The following RIPK4 variants were observed in gnomAD, a reference collection of about 807,000 sequenced individuals.
The protein encoded by RIPK4 is receptor-interacting serine/threonine-protein kinase 4.
A neutral mutation model predicts 42.9 loss-of-function variants in RIPK4; 17 were observed. The observed-to-expected ratio is 0.40, with a 90% CI of 0.27 to 0.59. The LOEUF is 0.59. Among genes scored for constraint, RIPK4 ranks in the 20% least tolerant of loss-of-function variants. The pLI is 0.47. For missense variants in RIPK4, 897 were observed against 1,104.4 expected (o/e 0.81, Z 2.66); for synonymous variants, 498 against 499.1 (o/e 1.00, Z 0.03).
Position 41,744,144 on chromosome 21 carries a change from C to G in RIPK4, c.937-4G>C, listed in dbSNP as rs374214622. ...GCTTGAGCCTCGCAGGCACCACCTG[C>G]GAAGATGCAGAAGAGGGGGTGGGTG... On this transcript the variant is annotated splice_region_variant and splice_polypyrimidine_tract_variant and intron_variant, in intron 6 of 7. Transcript: ENST00000332512. 1.9e-6 allele frequency: 3 copies of G among 1,578,010 alleles called. No individual in the cohort carries two copies. Among genetic ancestry groups the G allele is most frequent in the African/African-American group, 1.3e-5 (1 of 74,076 alleles).
At chr21:41,762,694 C>T (rs562093487) in intron 1 of RIPK4, among the ~76,000 whole-genome samples, 15 of 152,162 alleles carry the variant, frequency 9.9e-5, no homozygotes, top group African/African-American at 3.4e-4. Flanking sequence ...TTTTTTAATA[C>T]ATTTTTTTCT....
intron 2 of RIPK4, among the ~76,000 whole-genome samples, chr21:41,756,141 T>TCC (rs1344638245): frequency 3.9e-5 from 6 of 152,082 alleles, no homozygotes; most frequent in Admixed American, 3.9e-4. Context: ...GGGAAATGCG[T>TCC]CCCTTTGTTG....
intron 4 of RIPK4, 67 bp from the exon 5 acceptor site, chr21:41,746,838 G>C: frequency 6.7e-7 from 1 of 1,500,724 alleles, no homozygotes; most frequent in Admixed American, 2.1e-5. Flanking sequence ...CCCTTGGGAG[G>C]AAACGACACA....
chr21:41,748,567 G>A (rs1331391651), intron 4 of RIPK4, among the ~76,000 whole-genome samples: 1 of 152,248 alleles, frequency 6.6e-6, no homozygotes, highest in Non-Finnish European at 1.5e-5. Context: ...GAGCAGCTCT[G>A]GAGGTTGGCT....
intron 1 of RIPK4, among the ~76,000 whole-genome samples, chr21:41,760,991 C>G (rs531772004): frequency 6.6e-6 from 1 of 152,322 alleles, no homozygotes; most frequent in South Asian, 2.1e-4. Context: ...CTGGGCTGAG[C>G]TGAAAGCTGC....
Position 41,751,350 on chromosome 21 carries a change from T to C in RIPK4, c.475-105A>G. On this transcript the variant is annotated intron_variant, in intron 2 of 7. Transcript: ENST00000332512. This position sits in a 1 kb window ranked among gnomAD's most constrained non-coding sequence, Gnocchi z 4.5. ...GCAATCTCAGAGGGTGGGTGAGAGC[T>C]TTCCAGGAGCCCCTAAGAGCCGTGT... is the stretch of plus-strand genomic sequence containing the variant. The C allele has an allele frequency of 6.9e-7, 1 of 1,448,444 alleles. No homozygotes were observed. The highest frequency in any genetic ancestry group is 2.4e-5 in the East Asian group (1 of 41,934). The allele number at this position is 1,448,444 out of a possible 1,614,324, so 89.7% of individuals were successfully genotyped here.
At chr21:41,744,995 G>A (rs1280258957) in intron 6 of RIPK4, among the ~76,000 whole-genome samples, 4 of 152,114 alleles carry the variant, frequency 2.6e-5, no homozygotes, top group Admixed American at 1.3e-4. Context: ...TTTGTGGGAC[G>A]GCTCGAGGTC....
chr21:41,759,121 C>G (rs1346491749), intron 1 of RIPK4, among the ~76,000 whole-genome samples: 1 of 152,048 alleles, frequency 6.6e-6, no homozygotes, highest in Non-Finnish European at 1.5e-5. Flanking sequence ...TTTTTTGAAA[C>G]AGAGTCTCGC....
intron 2 of RIPK4, among the ~76,000 whole-genome samples, chr21:41,752,174 C>G (rs1486976904): frequency 6.6e-6 from 1 of 152,226 alleles, no homozygotes; most frequent in African/African-American, 2.4e-5. Context: ...TAATGGGACT[C>G]TTGATCCAGG....
rs527335956 is a variant in RIPK4, at chr21:41,744,856, C to T, written c.937-716G>A. On this transcript the variant is annotated intron_variant, in intron 6 of 7. Coordinates refer to ENST00000332512, the MANE Select transcript of RIPK4 (RefSeq NM_020639.3). ...AGGGGTGATCCAATCCGACATACAC[C>T]GATGGGGCCTTTTAAAGAGTCTCGC... Among the ~76,000 whole-genome samples the T allele has an allele frequency of 9.8e-5, 15 of 152,294 alleles. No individual in the cohort carries two copies. In the East Asian group the frequency reaches 2.1e-3, roughly 22 times the overall value.
rs1056383688 is a variant in RIPK4 at position 41,756,648 on chromosome 21, G to A, written c.351C>T (p.Leu117=). The A allele has an allele frequency of 6.2e-7, 1 of 1,613,998 alleles. No individual in the cohort carries two copies. The highest frequency in any genetic ancestry group is 8.5e-7 in the Non-Finnish European group (1 of 1,180,062). Residue 117 remains leucine (L), a synonymous_variant, in exon 2 of 8, where the codon CTC becomes CTT. Coordinates refer to ENST00000332512, the MANE Select transcript of RIPK4 (RefSeq NM_020639.3). ...CCGTCTCGTGGATGATTCGGAACCG[G>A]AGATCCCATGGCAATGGCTCCGAAG... ...LLASEPLPWD[L]RFRIIHETAV... is the part of the protein sequence containing the mutation.
At chr21:41,766,501 T>G (rs917721562) in intron 1 of RIPK4, among the ~76,000 whole-genome samples, 10 of 152,024 alleles carry the variant, frequency 6.6e-5, no homozygotes, top group Non-Finnish European at 1.2e-4. Context: ...CAAGGCGAGC[T>G]GGAGACCCCG....
At chr21:41,761,947 C>T (rs146153475) in intron 1 of RIPK4, among the ~76,000 whole-genome samples, 296 of 152,112 alleles carry the variant, frequency 1.9e-3, no homozygotes, top group African/African-American at 6.6e-3. Context: ...CTTTACTCTC[C>T]CTGCCCCGGG....
intron 3 of RIPK4, among the ~76,000 whole-genome samples, 160 bp downstream of exon 3, chr21:41,750,937 C>T (rs573310331): frequency 1.3e-5 from 2 of 152,190 alleles, no homozygotes; most frequent in African/African-American, 2.4e-5. Flanking sequence ...CTCGGCCTCC[C>T]GCAGTGCTGG....
intron 4 of RIPK4, 79 bp downstream of exon 4, chr21:41,749,075 T>C: frequency 1.4e-6 from 2 of 1,463,630 alleles, no homozygotes; most frequent in Admixed American, 3.4e-5. Context: ...TGTTTTAGGA[T>C]AGAGAAAGGA....
intron 6 of RIPK4, 126 bp downstream of exon 6, chr21:41,745,633 G>T (rs1173973418): frequency 4.4e-6 from 3 of 688,448 alleles, no homozygotes; most frequent in Non-Finnish European, 7.6e-6. Flanking sequence ...GGAGTTGGGT[G>T]CGGGATGGGC....
chr21:41,739,941 T>TA lies in RIPK4; in HGVS notation c.*896dup, dbSNP rs1045198486. The TA allele has an allele frequency of 1.3e-5, 2 of 152,232 alleles. No homozygotes were observed. The highest frequency in any genetic ancestry group is 4.8e-5 in the African/African-American group (2 of 41,458). 9.4% of individuals were successfully genotyped at this position (152,232 alleles called of 1,614,324 possible). On this transcript the variant is annotated 3_prime_UTR_variant, in exon 8 of 8. Transcript: ENST00000332512. ...TTTATCTTCATACTGCGTGTGGAGATAAAAAACACAGCTTCTCCTGCACCT... is the reference window on the plus strand; with the variant it reads ...TTTATCTTCATACTGCGTGTGGAGATAAAAAAACACAGCTTCTCCTGCACCT...
Position 41,766,844 on chromosome 21 carries a change from C to T in RIPK4, c.182+16G>A, listed in dbSNP as rs2061238797. 3.1e-6 allele frequency: 5 copies of T among 1,600,708 alleles called. No individual in the cohort carries two copies. The highest frequency in any genetic ancestry group is 1.7e-5 in the Admixed American group (1 of 59,120). Reference sequence around the variant, plus strand: ...CCGGGCCCCAGCCGCCCCAGCGCCCCGCCCGGGCCGCTCACCTGTCGTCGA... The same window carrying T: ...CCGGGCCCCAGCCGCCCCAGCGCCCTGCCCGGGCCGCTCACCTGTCGTCGA... On this transcript the variant is annotated intron_variant, in intron 1 of 7. Transcript: ENST00000332512.
At chr21:41,745,956 T>C (rs1275588515) in intron 5 of RIPK4, 94 bp from the exon 6 acceptor site, 1 of 1,036,754 alleles carries the variant, frequency 9.6e-7, no homozygotes, top group African/African-American at 1.6e-5. Context: ...AGCTGGGGGA[T>C]TTCTCACACG....
Sources: allele counts gnomAD v4.1 joint callset (sites outside exome capture counted in the v4.1 genomes callset), GRCh38; gene constraint gnomAD v4.1.1; non-coding constraint Gnocchi (gnomAD v3.1); transcripts MANE v1.5; gene names NCBI Gene and HGNC (gene_info 2026-07-23, HGNC 2026-07-21).